CDS1: variants seen among roughly 807,000 people sequenced by gnomAD.
CDS1 encodes phosphatidate cytidylyltransferase 1.
Under a neutral mutation model 62.1 loss-of-function variants are expected in CDS1, and 41 were observed. The ratio of observed to expected loss-of-function variants is 0.66; its 90% CI spans 0.51 to 0.86. The LOEUF (loss-of-function observed/expected upper bound fraction) is 0.86, where lower values mean the gene tolerates loss of function less well. Among genes scored for constraint, CDS1 ranks in the 40% least tolerant of loss-of-function variants. The probability of loss-of-function intolerance (pLI) is 0.00; values close to 1 mark genes in which losing one functional copy is unlikely to be tolerated. For missense variants in CDS1, 470 were observed against 550.1 expected, an observed-to-expected ratio of 0.85 and a Z score of 1.46; for synonymous variants, 185 against 192.6, an observed-to-expected ratio of 0.96 and a Z score of 0.32.
chr4:84,614,848 T>G (rs745479157), intron 3 of CDS1, among the ~76,000 whole-genome samples: 1 of 152,196 alleles, frequency 6.6e-6, no homozygotes, highest in Non-Finnish European at 1.5e-5. Context: ...ATGCTACATA[T>G]TGTTTTGAAA....
chr4:84,598,289 T>G (rs1023815172), intron 1 of CDS1, among the ~76,000 whole-genome samples: 6 of 152,054 alleles, frequency 3.9e-5, no homozygotes, highest in Admixed American at 6.5e-5. Context: ...TCTCTGTGGG[T>G]TTCCTTTGGC....
chr4:84,637,136 A>G (rs1394147858), intron 8 of CDS1, among the ~76,000 whole-genome samples: 1 of 152,104 alleles, frequency 6.6e-6, no homozygotes, highest in East Asian at 1.9e-4. Flanking sequence ...CAGCACACAG[A>G]GAGTGTTGGG....
chr4:84,585,916 T>C (rs1458300761), intron 1 of CDS1, among the ~76,000 whole-genome samples: 1 of 152,218 alleles, frequency 6.6e-6, no homozygotes, highest in Non-Finnish European at 1.5e-5. Flanking sequence ...AGGCTCATTG[T>C]TAGCATAGAG....
intron 8 of CDS1, 75 bp from the exon 9 acceptor site, chr4:84,638,848 TA>T: frequency 8.3e-6 from 1 of 119,782 alleles, no homozygotes. Flanking sequence ...GGAAATAGTT[TA>T]TATATATATA....
chr4:84,632,279 G>A (rs1259870597), intron 6 of CDS1, among the ~76,000 whole-genome samples: 4 of 152,058 alleles, frequency 2.6e-5, no homozygotes, highest in Non-Finnish European at 5.9e-5. Context: ...AGCAGAGCAT[G>A]TATTATCTTG....
chr4:84,595,402 T>G (rs1178019223), intron 1 of CDS1, among the ~76,000 whole-genome samples: 1 of 152,172 alleles, frequency 6.6e-6, no homozygotes, highest in Non-Finnish European at 1.5e-5. Context: ...CTCAATTATT[T>G]ATAATACCTC....
chr4:84,590,097 C>G (rs761202251), intron 1 of CDS1, among the ~76,000 whole-genome samples: 13 of 152,158 alleles, frequency 8.5e-5, no homozygotes, highest in Non-Finnish European at 1.6e-4. Context: ...AGGCATGAGC[C>G]ACCTCACCCA....
intron 11 of CDS1, 40 bp downstream of exon 11, chr4:84,643,183 A>T (rs1194087551): frequency 6.3e-7 from 1 of 1,592,946 alleles, no homozygotes; most frequent in South Asian, 1.1e-5. Context: ...TAGAGAATAT[A>T]ATTAGAGAAT....
chr4:84,635,386 A>G (rs746785761), intron 8 of CDS1, 35 bp downstream of exon 8: 1 of 974,474 alleles, frequency 1.0e-6, no homozygotes, highest in Admixed American at 2.0e-5. Flanking sequence ...GCCACTATGT[A>G]ACCTTAAAGA....
At chr4:84,645,549 C>T (rs1245139223) in intron 12 of CDS1, among the ~76,000 whole-genome samples, 1 of 152,156 alleles carries the variant, frequency 6.6e-6, no homozygotes, top group Admixed American at 6.5e-5. Flanking sequence ...TCCTGGACCA[C>T]ATTGAAGACC....
In CDS1 at chr4:84,645,300, C is replaced by T. The variant is rs1436981112; in HGVS notation, c.1231C>T (p.His411Tyr). The T allele has an allele frequency of 1.2e-6, 2 of 1,603,786 alleles. No individual in the cohort carries two copies. Among genetic ancestry groups the T allele is most frequent in the Non-Finnish European group, 1.7e-6 (2 of 1,170,994 alleles). Reference sequence around the variant, plus strand: ...TCAGTATTTGATGGCAACTTTTGTACATGTGTACATCACAAGTTTTATAAG... The same window carrying T: ...TCAGTATTTGATGGCAACTTTTGTATATGTGTACATCACAAGTTTTATAAG... ...DCQYLMATFV[H>Y]VYITSFIRGP... The change falls in exon 12 of 13, where the codon CAT becomes TAT. Residue 411 changes from histidine to tyrosine, a missense_variant. Physicochemically the swap from His to Tyr is moderately conservative, Grantham distance 83. This residue lies in a region of CDS1 where 68 missense variants were observed against 81.5 expected (regional missense o/e 0.83). Coordinates refer to ENST00000295887, the MANE Select transcript of CDS1 (RefSeq NM_001263.4).
chr4:84,619,870 TA>T (rs33980767), intron 5 of CDS1, among the ~76,000 whole-genome samples: 15,064 of 151,742 alleles, frequency 0.099, 2,403 homozygotes, highest in African/African-American at 0.34. Flanking sequence ...CCGTCTCTAC[TA>T]AAAATACAGA....
At chr4:84,623,211 G>A (rs1723744138) in intron 5 of CDS1, among the ~76,000 whole-genome samples, 1 of 152,200 alleles carries the variant, frequency 6.6e-6, no homozygotes, top group Non-Finnish European at 1.5e-5. Context: ...TTCCATCCCA[G>A]TCTTCCATCT....
intron 8 of CDS1, among the ~76,000 whole-genome samples, chr4:84,636,565 C>G (rs1439093959): frequency 6.6e-6 from 1 of 152,182 alleles, no homozygotes; most frequent in Non-Finnish European, 1.5e-5. Flanking sequence ...CGCCCTGTCA[C>G]CCAGTCTGTA....
chr4:84,598,799 G>T (rs1350638501), intron 1 of CDS1, among the ~76,000 whole-genome samples: 2 of 152,064 alleles, frequency 1.3e-5, no homozygotes, highest in Non-Finnish European at 2.9e-5. Flanking sequence ...CATAATAGTT[G>T]TATATGTTTA....
At chr4:84,587,076 A>G (rs1182336866) in intron 1 of CDS1, among the ~76,000 whole-genome samples, 1 of 152,210 alleles carries the variant, frequency 6.6e-6, no homozygotes, top group African/African-American at 2.4e-5. Context: ...TGAAGAGTGG[A>G]TACAGGAACA....
intron 1 of CDS1, among the ~76,000 whole-genome samples, chr4:84,599,482 A>G (rs559764446): frequency 7.0e-6 from 1 of 142,130 alleles, no homozygotes; most frequent in Non-Finnish European, 1.5e-5. Context: ...AATCAAGATA[A>G]TGAGCTAGTC....
In CDS1 at chr4:84,648,673, C is replaced by A. The variant is rs1362668324; in HGVS notation, c.1373C>A (p.Thr458Asn). Reference sequence around the variant, plus strand: ...ATTGAGAAAGGAATCCTACAACCCACCTTGAAGGTATAACTGGATCCAGAG... The same window carrying A: ...ATTGAGAAAGGAATCCTACAACCCAACTTGAAGGTATAACTGGATCCAGAG... ...HLIEKGILQPTLKV is the reference protein window; with the variant it reads ...HLIEKGILQPNLKV Residue 458 changes from threonine to asparagine, a missense_variant, in exon 13 of 13, where the codon ACC becomes AAC. By Grantham distance (65) the Thr-to-Asn change is moderately conservative. Transcript: ENST00000295887. The A allele has an allele frequency of 5.0e-6, 8 of 1,612,536 alleles. No homozygotes were observed. The highest frequency in any genetic ancestry group is 6.8e-6 in the Non-Finnish European group (8 of 1,179,246).
intron 1 of CDS1, among the ~76,000 whole-genome samples, chr4:84,600,718 A>G (rs1335738121): frequency 1.3e-5 from 2 of 152,214 alleles, no homozygotes; most frequent in African/African-American, 2.4e-5. Context: ...CAGGTAATAT[A>G]AGTCCTTCAA....
Sources: gnomAD v4.1 joint callset for allele counts (sites outside exome capture counted in the v4.1 genomes callset) on GRCh38, gnomAD v4.1.1 for gene constraint, gnomAD v4.1.1 regional missense constraint, MANE v1.5 for transcripts, NCBI Gene and HGNC (gene_info 2026-07-23, HGNC 2026-07-21) for gene names.